Variants in ABCC12 observed in about 807,000 individuals in gnomAD.
The protein encoded by ABCC12 is ATP-binding cassette sub-family C member 12.
A neutral mutation model predicts 151.1 loss-of-function variants in ABCC12; 142 were observed. That is an observed-to-expected ratio of 0.94 (90% CI 0.82 to 1.08). The LOEUF (loss-of-function observed/expected upper bound fraction) is 1.08. ABCC12 is among the 50% of genes least tolerant of loss of function. The pLI is 0.00. For missense variants in ABCC12, 1,638 were observed against 1,691.1 expected (o/e 0.97, Z 0.55); for synonymous variants, 645 against 646.4 (o/e 1.00, Z 0.03).
At chr16:48,142,102 C>T (rs533956378) in intron 4 of ABCC12, among the ~76,000 whole-genome samples, 1 of 152,200 alleles carries the variant, frequency 6.6e-6, no homozygotes, top group African/African-American at 2.4e-5. Flanking sequence ...AAGGACCGAC[C>T]CCAGTTTTCG....
Position 48,092,323 on chromosome 16 carries a change from T to G in ABCC12, c.3196-1114A>C, listed in dbSNP as rs1027072002. On this transcript the variant is annotated intron_variant, in intron 24 of 30. Coordinates refer to ENST00000311303, the MANE Select transcript of ABCC12 (RefSeq NM_001393797.1). Reference sequence around the variant, plus strand: ...CCATACCAGGTGTGTCTGTGAGATGTTACCGCTGTGGGCAACTGAGAGTCC... The same window carrying G: ...CCATACCAGGTGTGTCTGTGAGATGGTACCGCTGTGGGCAACTGAGAGTCC... 2.2e-4 allele frequency among the ~76,000 whole-genome samples: 34 copies of G among 152,158 alleles called. 1 individual carries two copies. Among genetic ancestry groups the G allele is most frequent in the Admixed American group, 1.3e-4 (2 of 15,284 alleles).
chr16:48,098,521 T>A (rs1189332687), intron 23 of ABCC12, among the ~76,000 whole-genome samples: 1 of 152,150 alleles, frequency 6.6e-6, no homozygotes, highest in Non-Finnish European at 1.5e-5. Flanking sequence ...TCTAACTTAT[T>A]TTCCCCAGAG....
chr16:48,116,542 G>A (rs948186582), intron 14 of ABCC12, among the ~76,000 whole-genome samples: 15 of 152,174 alleles, frequency 9.9e-5, no homozygotes, highest in Admixed American at 3.9e-4. Context: ...GGACACTTTG[G>A]CAGGCAGGTA....
intron 24 of ABCC12, among the ~76,000 whole-genome samples, chr16:48,094,736 T>A (rs1963031877): frequency 6.6e-6 from 1 of 152,188 alleles, no homozygotes; most frequent in Non-Finnish European, 1.5e-5. Context: ...AAAAACTCCT[T>A]TAAGTCTTGC....
At chr16:48,102,087 C>T (rs1963328112) in intron 22 of ABCC12, among the ~76,000 whole-genome samples, 1 of 152,186 alleles carries the variant, frequency 6.6e-6, no homozygotes, top group Non-Finnish European at 1.5e-5. Context: ...GCCTAGGTAA[C>T]AAAAGGCTCA....
chr16:48,096,755 G>A lies in ABCC12; in HGVS notation c.3186C>T (p.Tyr1062=). 6.2e-7 allele frequency: 1 copy of A among 1,613,998 alleles called. No homozygotes were observed. Among genetic ancestry groups the A allele is most frequent in the South Asian group, 1.1e-5 (1 of 91,064 alleles). The stretch of plus-strand genomic sequence containing the variant: ...TTGCACCAGGCATTACCTGGATGAT[G>A]TATGACAATGACAGGCCTTTGGATG... ...STSSKGLSLS[Y]IIQLSGLLQV... The change falls in exon 24 of 31, where the codon TAC becomes TAT. Residue 1062 remains tyrosine, a synonymous_variant. Transcript: ENST00000311303.
In ABCC12 at chr16:48,130,860, C is replaced by T. The variant is rs999781688; in HGVS notation, c.1164G>A (p.Lys388=). Residue 388 remains lysine (K), a synonymous_variant, in exon 10 of 31, where the codon AAG becomes AAA. Coordinates refer to ENST00000311303, the MANE Select transcript of ABCC12 (RefSeq NM_001393797.1). ...AGAAGGGCAAGATTGCAATGGAAAA[C>T]TTCATTACATTAAACATGGCAATCA... ...FSVIAMFNVM[K]FSIAILPFSI... 6 of 1,613,548 alleles carry T rather than the reference C, an allele frequency of 3.7e-6. No individual in the cohort carries two copies. The highest frequency in any genetic ancestry group is 1.3e-5 in the African/African-American group (1 of 74,940).
At chr16:48,149,011 G>C (rs1030181422) in intron 2 of ABCC12, among the ~76,000 whole-genome samples, 1 of 151,916 alleles carries the variant, frequency 6.6e-6, no homozygotes, top group African/African-American at 2.4e-5. Context: ...ATAATAGTAA[G>C]TATGAGAAAC....
In ABCC12 at chr16:48,112,470, C is replaced by G. The variant is rs1183742120; in HGVS notation, c.1990-560G>C. Among the ~76,000 whole-genome samples, 34 of 151,854 alleles carry G rather than the reference C, an allele frequency of 2.2e-4. 1 individual carries two copies. Among genetic ancestry groups the G allele is most frequent in the Non-Finnish European group, 1.6e-4 (11 of 67,892 alleles). On this transcript the variant is annotated intron_variant, in intron 15 of 30. Transcript: ENST00000311303. ...AAGTAGCTGGGTATGGTGGCGTGCA[C>G]CTATAATCCAGCTACTCAGGAGGTT...
Position 48,151,513 on chromosome 16 carries a change from A to T in ABCC12, c.-51+2103T>A, listed in dbSNP as rs902666927. On this transcript the variant is annotated intron_variant, in intron 2 of 30. Transcript: ENST00000311303. ...AAGTATAAATATTAGTTAACAATGT[A>T]GCAATATTGTGCATTAATTACAACA... Among the ~76,000 whole-genome samples, 3 of 152,248 alleles carry T rather than the reference A, an allele frequency of 2.0e-5. No individual in the cohort carries two copies. In the South Asian group the frequency reaches 6.2e-4, roughly 31 times the overall value.
intron 23 of ABCC12, 180 bp from the exon 24 acceptor site, chr16:48,097,082 G>T: frequency 2.6e-6 from 2 of 765,444 alleles, no homozygotes; most frequent in Middle Eastern, 3.6e-4. Context: ...ATATATTCAT[G>T]CTCTTAAAAA....
At position 48,091,224 on chromosome 16, in the gene ABCC12, C is replaced by T. The variant is rs372682610; in HGVS notation, c.3196-15G>A. On this transcript the variant is annotated splice_polypyrimidine_tract_variant and intron_variant, in intron 24 of 30. Transcript: ENST00000311303. Reference sequence around the variant, plus strand: ...AGTCCGCTCAGCTGTTGAAAAGGAGCGAGCAGCCGCAGTTAGAGCCCCTTC... The same window carrying T: ...AGTCCGCTCAGCTGTTGAAAAGGAGTGAGCAGCCGCAGTTAGAGCCCCTTC... 1.2e-6 allele frequency: 2 copies of T among 1,613,160 alleles called. No homozygotes were observed. Among genetic ancestry groups the T allele is most frequent in the Admixed American group, 1.7e-5 (1 of 60,012 alleles).
chr16:48,129,477 G>T (rs1338180956), intron 10 of ABCC12, among the ~76,000 whole-genome samples: 4 of 152,164 alleles, frequency 2.6e-5, no homozygotes, highest in African/African-American at 9.7e-5. Context: ...GCCATGGTTT[G>T]TTGGGGTGGT....
intron 12 of ABCC12, among the ~76,000 whole-genome samples, 193 bp from the exon 13 acceptor site, chr16:48,122,033 A>G (rs1232481703): frequency 2.0e-5 from 3 of 152,246 alleles, no homozygotes; most frequent in Non-Finnish European, 4.4e-5. Flanking sequence ...AAACACCTGC[A>G]CAGGGCCAGG....
intron 4 of ABCC12, among the ~76,000 whole-genome samples, chr16:48,143,534 A>G (rs1451329113): frequency 3.3e-5 from 5 of 152,206 alleles, no homozygotes; most frequent in Non-Finnish European, 7.3e-5. Flanking sequence ...TGACTGATAC[A>G]GTTTGGCTGT....
chr16:48,116,614 G>A (rs1421403750), intron 14 of ABCC12, among the ~76,000 whole-genome samples: 1 of 152,156 alleles, frequency 6.6e-6, no homozygotes, highest in Non-Finnish European at 1.5e-5. Flanking sequence ...TGCAGGCCAG[G>A]AAGGCTTCAC....
intron 8 of ABCC12, among the ~76,000 whole-genome samples, chr16:48,134,170 G>A (rs1416571044): frequency 1.3e-5 from 2 of 152,176 alleles, no homozygotes; most frequent in African/African-American, 4.8e-5. Context: ...ACCAGAGCGG[G>A]GCTCTGCAGC....
At position 48,113,931 on chromosome 16, in the gene ABCC12, G is replaced by A. The variant is rs908629291; in HGVS notation, c.1989+1484C>T. Among the ~76,000 whole-genome samples, 3 of 152,156 alleles carry A rather than the reference G, an allele frequency of 2.0e-5. No individual in the cohort carries two copies. In the South Asian group the frequency reaches 6.2e-4, roughly 31 times the overall value. On this transcript the variant is annotated intron_variant, in intron 15 of 30. Transcript: ENST00000311303. The stretch of plus-strand genomic sequence containing the variant: ...AGATCCCCAGAGCCCTTGGAGGACA[G>A]CCCTCCCTGCTGCAGGGTGTCTCCA...
intron 2 of ABCC12, among the ~76,000 whole-genome samples, chr16:48,149,961 G>A (rs1397663302): frequency 6.6e-6 from 1 of 152,198 alleles, no homozygotes; most frequent in Non-Finnish European, 1.5e-5. Context: ...ATGGAGCACT[G>A]CAGCTCTTAA....
Sources: allele counts gnomAD v4.1 joint callset (sites outside exome capture counted in the v4.1 genomes callset), GRCh38; gene constraint gnomAD v4.1.1; transcripts MANE v1.5; gene names NCBI Gene and HGNC (gene_info 2026-07-23, HGNC 2026-07-21).